The following YTHDF3 variants were observed in gnomAD, a reference collection of about 807,000 sequenced individuals.
YTHDF3 encodes YTH N6-methyladenosine RNA binding protein F3.
Under a neutral mutation model 52.5 loss-of-function variants are expected in YTHDF3, and 9 were observed. The ratio of observed to expected loss-of-function variants is 0.17; its 90% CI spans 0.10 to 0.30. YTHDF3 has a LOEUF of 0.30. Among genes scored for constraint, YTHDF3 ranks in the 10% least tolerant of loss-of-function variants. The pLI, the probability that YTHDF3 is intolerant of heterozygous loss-of-function variation, is 1.00. For missense variants in YTHDF3, 534 were observed against 715.0 expected, an observed-to-expected ratio of 0.75 and a Z score of 2.89; for synonymous variants, 274 against 243.3, an observed-to-expected ratio of 1.13 and a Z score of -1.18.
chr8:63,187,812 T>G (rs1808625593), intron 4 of YTHDF3, 67 bp downstream of exon 4: 1 of 1,469,430 alleles, frequency 6.8e-7, no homozygotes, highest in African/African-American at 1.4e-5. Context: ...ATGGGTATAT[T>G]CTGAGTTTAA....
chr8:63,202,850 G>T (rs1365389507), intron 4 of YTHDF3, among the ~76,000 whole-genome samples: 5 of 152,134 alleles, frequency 3.3e-5, no homozygotes, highest in Non-Finnish European at 5.9e-5. Context: ...TTTTCCTAAA[G>T]AATTGAATCT....
In YTHDF3 at chr8:63,210,062, T is replaced by G. The variant is rs1353790145; in HGVS notation, c.*356T>G. The G allele has an allele frequency of 5.3e-6, 1 of 187,100 alleles. No homozygotes were observed. Among genetic ancestry groups the G allele is most frequent in the Non-Finnish European group, 1.1e-5 (1 of 91,278 alleles). 11.6% of individuals were successfully genotyped at this position (187,100 alleles called of 1,614,324 possible). A position where few individuals can be genotyped will look rare whatever the true frequency, so the allele number is the denominator to read the frequency against. On this transcript the variant is annotated 3_prime_UTR_variant, in exon 5 of 5. Coordinates refer to ENST00000539294, the MANE Select transcript of YTHDF3 (RefSeq NM_152758.6). ...AATACTAACAGTTAACCATTAGAAG[T>G]GGTTCAATGATGTAAGAGTCACACT...
intron 4 of YTHDF3, among the ~76,000 whole-genome samples, chr8:63,193,374 CAAAAAAAA>C (rs758787473): frequency 8.1e-4 from 44 of 54,114 alleles, no homozygotes; most frequent in African/African-American, 2.3e-3. Context: ...AGACTCCGTC[CAAAAAAAA>C]AAAAAAAAAA....
intron 4 of YTHDF3, among the ~76,000 whole-genome samples, chr8:63,191,832 C>T (rs1367828780): frequency 6.6e-6 from 1 of 152,074 alleles, no homozygotes; most frequent in Non-Finnish European, 1.5e-5. Flanking sequence ...TAACTCAATT[C>T]TTTGTTCCTT....
intron 2 of YTHDF3, 178 bp downstream of exon 2, chr8:63,169,589 T>G: frequency 1.5e-6 from 1 of 651,456 alleles, no homozygotes; most frequent in Non-Finnish European, 2.7e-6. Flanking sequence ...GTTCGTTGCT[T>G]TGAAGCCACT....
intron 4 of YTHDF3, among the ~76,000 whole-genome samples, chr8:63,203,853 G>A (rs957912341): frequency 6.6e-6 from 1 of 152,172 alleles, no homozygotes; most frequent in Admixed American, 6.5e-5. Context: ...TGATTAGACT[G>A]GGGGTTATGG....
chr8:63,189,341 G>A (rs367543879), intron 4 of YTHDF3, among the ~76,000 whole-genome samples: 1 of 152,100 alleles, frequency 6.6e-6, no homozygotes, highest in Non-Finnish European at 1.5e-5. Flanking sequence ...ACGTAAAATT[G>A]GGGTCCTATT....
rs573884455 is a variant in YTHDF3, at chr8:63,194,783, T to C, written c.1734+7038T>C. On this transcript the variant is annotated intron_variant, in intron 4 of 4. Transcript: ENST00000539294. ...TCTAGGATCAGGTAAAGGATCTAAC[T>C]TGGTTACAACAATTTTGAATAGTAA... Among the ~76,000 whole-genome samples the C allele has an allele frequency of 5.8e-4, 89 of 152,320 alleles. 2 individuals are homozygous for C. The highest frequency in any genetic ancestry group is 3.7e-3 in the Admixed American group (57 of 15,306).
At chr8:63,199,709 A>G (rs1204929353) in intron 4 of YTHDF3, among the ~76,000 whole-genome samples, 1 of 152,212 alleles carries the variant, frequency 6.6e-6, no homozygotes, top group Non-Finnish European at 1.5e-5. Context: ...GATAAGAGTT[A>G]TTCTTCCATA....
chr8:63,170,347 G>T (rs1384828376), intron 2 of YTHDF3, among the ~76,000 whole-genome samples: 1 of 152,020 alleles, frequency 6.6e-6, no homozygotes, highest in Non-Finnish European at 1.5e-5. Context: ...TCTTGTTAGG[G>T]TATTTATTTG....
chr8:63,185,545 A>G (rs548904360), intron 3 of YTHDF3, among the ~76,000 whole-genome samples: 229 of 152,358 alleles, frequency 1.5e-3, no homozygotes, highest in Non-Finnish European at 2.5e-3. Context: ...TTTTGAAATG[A>G]ACAAGGCAAA....
intron 4 of YTHDF3, among the ~76,000 whole-genome samples, chr8:63,194,002 A>G (rs1809078212): frequency 6.6e-6 from 1 of 152,170 alleles, no homozygotes; most frequent in Non-Finnish European, 1.5e-5. Context: ...TTTCATGTAT[A>G]AGAATGTTAG....
At chr8:63,172,101 T>C (rs186007695) in intron 2 of YTHDF3, among the ~76,000 whole-genome samples, 35 of 152,354 alleles carry the variant, frequency 2.3e-4, no homozygotes, top group Non-Finnish European at 2.2e-4. Flanking sequence ...CTGTGTTAAA[T>C]ATCAGAACTC....
chr8:63,169,058 C>T, intron 1 of YTHDF3, 157 bp downstream of exon 1: 2 of 1,403,344 alleles, frequency 1.4e-6, no homozygotes, highest in South Asian at 1.6e-5. Flanking sequence ...CCGGGGCGTG[C>T]GCCCTGGCCC....
intron 4 of YTHDF3, chr8:63,188,697 ATATATTTTT>A (rs1334999988): frequency 3.3e-4 from 21 of 63,550 alleles, no homozygotes; most frequent in African/African-American, 1.3e-3. Context: ...ATATATATAT[ATATATTTTT>A]TTTTTTTTTT....
At chr8:63,199,817 A>G (rs1460164854) in intron 4 of YTHDF3, among the ~76,000 whole-genome samples, 1 of 152,056 alleles carries the variant, frequency 6.6e-6, no homozygotes, top group Non-Finnish European at 1.5e-5. Context: ...ATTTTACCCT[A>G]CTCATACATG....
intron 2 of YTHDF3, 23 bp downstream of exon 2, chr8:63,169,434 C>G: frequency 6.4e-7 from 1 of 1,554,702 alleles, no homozygotes; most frequent in Non-Finnish European, 8.7e-7. Flanking sequence ...TTTTTTTTTT[C>G]TTATTGCTCA....
chr8:63,178,393 T>A (rs904723757), intron 3 of YTHDF3, among the ~76,000 whole-genome samples: 2 of 152,230 alleles, frequency 1.3e-5, no homozygotes, highest in Non-Finnish European at 2.9e-5. Flanking sequence ...AAAATAGTTT[T>A]AAAAAGTGTT....
intron 4 of YTHDF3, among the ~76,000 whole-genome samples, chr8:63,190,777 A>G (rs1224207478): frequency 6.6e-6 from 1 of 152,174 alleles, no homozygotes; most frequent in Non-Finnish European, 1.5e-5. Context: ...CTGTGCTTGA[A>G]TGTCAGAGCC....
Sources: gnomAD v4.1 joint callset for allele counts (sites outside exome capture counted in the v4.1 genomes callset) on GRCh38, gnomAD v4.1.1 for gene constraint, MANE v1.5 for transcripts, NCBI Gene and HGNC (gene_info 2026-07-23, HGNC 2026-07-21) for gene names.